ZAR1L: variants seen among roughly 807,000 people sequenced by gnomAD.
ZAR1L encodes protein ZAR1-like.
Under a neutral mutation model 30.0 loss-of-function variants are expected in ZAR1L, and 16 were observed. The observed-to-expected ratio is 0.53, with a 90% CI of 0.36 to 0.81. The LOEUF is 0.81. Ranked by LOEUF, ZAR1L falls within the 30% of genes least tolerant of loss-of-function variation. ZAR1L has a pLI of 0.00. For missense variants in ZAR1L, 392 were observed against 417.2 expected (o/e 0.94, Z 0.53); for synonymous variants, 197 against 166.8 (o/e 1.18, Z -1.40).
chr13:32,305,110 C>T (rs2072164560), intron 5 of ZAR1L, among the ~76,000 whole-genome samples: 1 of 152,062 alleles, frequency 6.6e-6, no homozygotes, highest in Non-Finnish European at 1.5e-5. Context: ...CATGCCTGGC[C>T]AAGATGTACC....
At position 32,303,858 on chromosome 13, in the gene ZAR1L, T is replaced by C; in HGVS notation, c.*21A>G. 1 of 1,549,042 alleles carries C rather than the reference T, an allele frequency of 6.5e-7. No individual in the cohort carries two copies. Among genetic ancestry groups the C allele is most frequent in the Non-Finnish European group, 8.7e-7 (1 of 1,145,648 alleles). On this transcript the variant is annotated 3_prime_UTR_variant, in exon 6 of 6. Coordinates refer to ENST00000533490, the MANE Select transcript of ZAR1L (RefSeq NM_001136571.2). Reference sequence around the variant, plus strand: ...GTTACAAGAAGAGCTCAGGGGTCCATTACAAGTCACACTGTACAAGTCACA... The same window carrying C: ...GTTACAAGAAGAGCTCAGGGGTCCACTACAAGTCACACTGTACAAGTCACA...
At position 32,314,283 on chromosome 13, in the gene ZAR1L, C is replaced by CT. The variant is rs367645972; in HGVS notation, c.-169+46dup. ...GGCCTCCTTCTACAACTAAGGATTACTGATTATCAAACTAAAATGGTCCCT... is the reference window on the plus strand; with the variant it reads ...GGCCTCCTTCTACAACTAAGGATTACTTGATTATCAAACTAAAATGGTCCCT... On this transcript the variant is annotated intron_variant, in intron 2 of 5. Coordinates refer to ENST00000533490, the MANE Select transcript of ZAR1L (RefSeq NM_001136571.2). 1.4e-4 allele frequency: 21 copies of CT among 152,314 alleles called. No homozygotes were observed. The East Asian group carries it at 3.5e-3, about 25-fold the overall frequency. 9.4% of individuals were successfully genotyped at this position (152,314 alleles called of 1,614,324 possible).
intron 5 of ZAR1L, among the ~76,000 whole-genome samples, chr13:32,305,152 CT>C (rs1236755760): frequency 6.6e-6 from 1 of 151,942 alleles, no homozygotes; most frequent in African/African-American, 2.4e-5. Flanking sequence ...CATTTTTATT[CT>C]GCTAAATGCA....
At position 32,311,269 on chromosome 13, in the gene ZAR1L, T is replaced by C. The variant is rs2072209936; in HGVS notation, c.654+3A>G. On this transcript the variant is annotated splice_donor_region_variant and intron_variant, in intron 3 of 5. Transcript: ENST00000533490. ...GACTAAGAAGAGGGAAGAGAGGATC[T>C]ACCTGGAAGTTGGGCCTCCGGAGCG... 2 of 1,545,442 alleles carry C rather than the reference T, an allele frequency of 1.3e-6. No homozygotes were observed. Among genetic ancestry groups the C allele is most frequent in the Admixed American group, 4.0e-5 (2 of 50,362 alleles).
At chr13:32,311,024 C>T (rs78959074) in intron 3 of ZAR1L, among the ~76,000 whole-genome samples, 1 of 152,326 alleles carries the variant, frequency 6.6e-6, no homozygotes, top group African/African-American at 2.4e-5. Context: ...TCTTCGTCTC[C>T]AAATTCTCCA....
chr13:32,308,829 T>G (rs2072193750), intron 4 of ZAR1L, 69 bp from the exon 5 acceptor site: 1 of 1,062,664 alleles, frequency 9.4e-7, no homozygotes, highest in Non-Finnish European at 1.4e-6. Context: ...AGGCTCCCAG[T>G]TCTTAAGTAA....
chr13:32,311,176 G>A lies in ZAR1L; in HGVS notation c.654+96C>T, dbSNP rs566598028. On this transcript the variant is annotated intron_variant, in intron 3 of 5. Transcript: ENST00000533490. ...CTCCTTCACCAAGTACATGGAAGAA[G>A]AGAGAGAAGATTTTGCTCTTATTGC... 1.6e-4 allele frequency: 204 copies of A among 1,313,956 alleles called. No homozygotes were observed. The East Asian group carries it at 4.9e-3, about 31-fold the overall frequency. The allele number at this position is 1,313,956 out of a possible 1,614,324, so 81.4% of individuals were successfully genotyped here. A position where few individuals can be genotyped will look rare whatever the true frequency, so the allele number is the denominator to read the frequency against.
At position 32,311,730 on chromosome 13, in the gene ZAR1L, C is replaced by G; in HGVS notation, c.196G>C (p.Ala66Pro). The G allele has an allele frequency of 6.4e-7, 1 of 1,551,654 alleles. No homozygotes were observed. The highest frequency in any genetic ancestry group is 8.7e-7 in the Non-Finnish European group (1 of 1,147,004). ...TGGGAGAGAATGGCCTTAAGCTGCG[C>G]CCTCTTGTAAGGGTCAATGCAGTAG... Reference protein sequence around the residue: ...PDYCIDPYKRAQLKAILSQMN... With the variant: ...PDYCIDPYKRPQLKAILSQMN... Residue 66 changes from alanine (A) to proline (P), a missense_variant, in exon 3 of 6, where the codon GCG (alanine) becomes CCG (proline). By Grantham distance (27) the Ala-to-Pro change is conservative. Coordinates refer to ENST00000533490, the MANE Select transcript of ZAR1L (RefSeq NM_001136571.2).
chr13:32,311,448 G>T lies in ZAR1L; in HGVS notation c.478C>A (p.Pro160Thr). 1 of 1,547,850 alleles carries T rather than the reference G, an allele frequency of 6.5e-7. No homozygotes were observed. The highest frequency in any genetic ancestry group is 1.2e-5 in the South Asian group (1 of 84,050). Residue 160 changes from proline (P) to threonine (T), a missense_variant, in exon 3 of 6, where the codon CCT (proline) becomes ACT (threonine). By Grantham distance (38) the Pro-to-Thr change is conservative. Coordinates refer to ENST00000533490, the MANE Select transcript of ZAR1L (RefSeq NM_001136571.2). ...GGCTGCGGCTGGCTGGCCTCCGCAG[G>T]GCCCGGGAGCGCCTTGCTCTCCGCT... Reference protein sequence around the residue: ...DEAESKALPGPAEASQPQPPS... With the variant: ...DEAESKALPGTAEASQPQPPS...
At chr13:32,311,105 T>G (rs2072208739) in intron 3 of ZAR1L, among the ~76,000 whole-genome samples, 167 bp downstream of exon 3, 1 of 152,156 alleles carries the variant, frequency 6.6e-6, no homozygotes, top group Non-Finnish European at 1.5e-5. Context: ...ACCCAAAACT[T>G]ACCAAACATA....
chr13:32,303,764 T>A lies in ZAR1L; in HGVS notation c.*115A>T, dbSNP rs1288891249. On this transcript the variant is annotated 3_prime_UTR_variant, in exon 6 of 6. Coordinates refer to ENST00000533490, the MANE Select transcript of ZAR1L (RefSeq NM_001136571.2). ...CAATTGTTACACAATCTACAAAAAG[T>A]ACAAAAGCCTAGCCATTTTCCGATG... The A allele has an allele frequency of 2.0e-6, 2 of 1,015,408 alleles. No homozygotes were observed. Among genetic ancestry groups the A allele is most frequent in the Non-Finnish European group, 2.8e-6 (2 of 707,796 alleles). 62.9% of individuals were successfully genotyped at this position (1,015,408 alleles called of 1,614,324 possible).
At position 32,311,268 on chromosome 13, in the gene ZAR1L, C is replaced by G. The variant is rs1325788453; in HGVS notation, c.654+4G>C. 6.5e-7 allele frequency: 1 copy of G among 1,544,950 alleles called. No individual in the cohort carries two copies. Among genetic ancestry groups the G allele is most frequent in the Admixed American group, 2.0e-5 (1 of 50,336 alleles). On this transcript the variant is annotated splice_donor_region_variant and intron_variant, in intron 3 of 5. Transcript: ENST00000533490. ...GGACTAAGAAGAGGGAAGAGAGGAT[C>G]TACCTGGAAGTTGGGCCTCCGGAGC...
At chr13:32,304,809 CTTTTTTT>C (rs776182055) in intron 5 of ZAR1L, among the ~76,000 whole-genome samples, 1 of 136,130 alleles carries the variant, frequency 7.3e-6, no homozygotes. Context: ...CAAGATTTAC[CTTTTTTT>C]TTTTTTTTTT....
chr13:32,304,858 G>T (rs1350640599), intron 5 of ZAR1L, among the ~76,000 whole-genome samples: 1 of 147,558 alleles, frequency 6.8e-6, no homozygotes, highest in Non-Finnish European at 1.5e-5. Flanking sequence ...GCCCAGTCTG[G>T]AGTGCAGTGG....
rs1454887384 is a variant in ZAR1L, at chr13:32,310,686, T to C, written c.700A>G (p.Thr234Ala). 6.4e-7 allele frequency: 1 copy of C among 1,551,790 alleles called. No homozygotes were observed. The highest frequency in any genetic ancestry group is 2.0e-5 in the Admixed American group (1 of 50,980). Residue 234 changes from threonine (T) to alanine (A), a missense_variant, in exon 4 of 6, where the codon ACC (threonine) becomes GCC (alanine). Physicochemically the swap from Thr to Ala is moderately conservative, Grantham distance 58 (BLOSUM62 0). Transcript: ENST00000533490. ...CACACGTAAGCACTCTCCCACCTGG[T>C]CTTACAATCTTTACAGTGGAAATAG... is the stretch of plus-strand genomic sequence containing the variant. ...YGYFHCKDCKTRWESAYVWCI... is the reference protein window; with the variant it reads ...YGYFHCKDCKARWESAYVWCI...
intron 2 of ZAR1L, among the ~76,000 whole-genome samples, chr13:32,314,021 G>A (rs61948374): frequency 0.025 from 3,880 of 152,264 alleles, 64 homozygotes; most frequent in Non-Finnish European, 0.039. Flanking sequence ...ATTCAAACCT[G>A]GGCCTTACTA....
In ZAR1L at chr13:32,304,122, A is replaced by G. The variant is rs1424536620; in HGVS notation, c.823-100T>C. ...ACTTCTCCCTATTACCCTATCCCTG[A>G]AACCTTCATCCTCTGAGTCCTACGA... is the stretch of plus-strand genomic sequence containing the variant. On this transcript the variant is annotated intron_variant, in intron 5 of 5. Transcript: ENST00000533490. 16 of 1,284,650 alleles carry G rather than the reference A, an allele frequency of 1.2e-5. 1 individual carries two copies. 79.6% of individuals were successfully genotyped at this position (1,284,650 alleles called of 1,614,324 possible).
At chr13:32,313,369 T>C (rs1242235935) in intron 2 of ZAR1L, among the ~76,000 whole-genome samples, 2 of 152,222 alleles carry the variant, frequency 1.3e-5, no homozygotes, top group East Asian at 1.9e-4. Context: ...GGTTTTTGTT[T>C]GTTTGCTTGT....
rs7988901 is a variant in ZAR1L, at chr13:32,314,943, A to G, written c.-390+372T>C. 0.038 allele frequency among the ~76,000 whole-genome samples: 5,753 copies of G among 152,260 alleles called. 352 individuals are homozygous for G. The highest frequency in any genetic ancestry group is 0.13 in the African/African-American group (5,453 of 41,526). On this transcript the variant is annotated intron_variant, in intron 1 of 5. Coordinates refer to ENST00000533490, the MANE Select transcript of ZAR1L (RefSeq NM_001136571.2). The stretch of plus-strand genomic sequence containing the variant: ...TTAAGATGGGTTTCACAATTTTTCA[A>G]GCAAGGAAACGGGCTCGGAGGTCTT...
Sources: gnomAD v4.1 joint callset for allele counts (sites outside exome capture counted in the v4.1 genomes callset) on GRCh38, gnomAD v4.1.1 for gene constraint, MANE v1.5 for transcripts, NCBI Gene and HGNC (gene_info 2026-07-23, HGNC 2026-07-21) for gene names.